ZNF248: variants seen among roughly 807,000 people sequenced by gnomAD.
ZNF248 encodes KRAB protein domain.
In ZNF248, 20 loss-of-function variants were observed where a neutral mutation model predicts 44.3. The ratio of observed to expected loss-of-function variants is 0.45; its 90% CI spans 0.32 to 0.66. The LOEUF is 0.66. Among genes scored for constraint, ZNF248 ranks in the 30% least tolerant of loss-of-function variants. The pLI is 0.04. For synonymous variants in ZNF248, 224 were observed against 229.0 expected (o/e 0.98, Z 0.20); for missense variants, 654 against 677.0 (o/e 0.97, Z 0.38).
At chr10:37,828,040 G>A (rs886599988), downstream of ZNF248, among the ~76,000 whole-genome samples, 1 of 152,296 alleles carries the variant, frequency 6.6e-6, no homozygotes, top group Admixed American at 6.5e-5. Flanking sequence ...TGAGTGCACT[G>A]GGGGATAAAC....
chr10:37,855,018 C>G (rs1247474524), intron 3 of ZNF248, among the ~76,000 whole-genome samples: 1 of 152,228 alleles, frequency 6.6e-6, no homozygotes, highest in Non-Finnish European at 1.5e-5. Context: ...CAGGAATGCA[C>G]AATCACATAT....
At chr10:37,770,354 C>T in the ZNF248 span, among the ~76,000 whole-genome samples, 49 of 152,274 alleles carry the variant, frequency 3.2e-4, no homozygotes, top group African/African-American at 7.7e-4. Flanking sequence ...AGAGGCATTA[C>T]GCTACCTGAC....
intron 6 of ZNF248, among the ~76,000 whole-genome samples, chr10:37,799,305 A>C (rs1413804249): frequency 6.6e-6 from 1 of 152,150 alleles, no homozygotes; most frequent in Non-Finnish European, 1.5e-5. Flanking sequence ...CCAAAATTGG[A>C]CCAGAGTTAT....
chr10:37,800,588 A>ATG (rs2049688787), intron 6 of ZNF248, among the ~76,000 whole-genome samples: 1 of 152,108 alleles, frequency 6.6e-6, no homozygotes, highest in Non-Finnish European at 1.5e-5. Flanking sequence ...ATATGTGTGC[A>ATG]TGTGTCTTTA....
At chr10:37,855,822 G>A (rs568586644) in intron 3 of ZNF248, among the ~76,000 whole-genome samples, 1 of 152,354 alleles carries the variant, frequency 6.6e-6, no homozygotes, top group East Asian at 1.9e-4. Context: ...AGTCGGAACT[G>A]TCAGTGATTC....
chr10:37,849,879 T>C lies in ZNF248; in HGVS notation c.15+6417A>G, dbSNP rs1170735025. 2.6e-5 allele frequency among the ~76,000 whole-genome samples: 4 copies of C among 152,144 alleles called. No individual in the cohort carries two copies. The East Asian group carries it at 7.7e-4, about 29-fold the overall frequency. ...CAAGGTCAGGAGTTCAAGACCAGCC[T>C]GGCCAAGATGGTGAAACCCCATCTC... On this transcript the variant is annotated intron_variant, in intron 3 of 5. Coordinates refer to ENST00000395867, the MANE Select transcript of ZNF248 (RefSeq NM_021045.3).
intron 5 of ZNF248, among the ~76,000 whole-genome samples, chr10:37,834,153 AAT>A: frequency 6.6e-6 from 1 of 152,264 alleles, no homozygotes; most frequent in Non-Finnish European, 1.5e-5. Context: ...AAAAACTAAT[AAT>A]AGTAATAATA....
the ZNF248 span, among the ~76,000 whole-genome samples, chr10:37,759,961 C>A: frequency 6.6e-6 from 1 of 152,140 alleles, no homozygotes; most frequent in Non-Finnish European, 1.5e-5. Flanking sequence ...AGGGAGCTGA[C>A]CCCAAGCCAG....
At chr10:37,820,806 G>A in intron 6 of ZNF248, 1 of 1,186,882 alleles carries the variant, frequency 8.4e-7, no homozygotes, top group Non-Finnish European at 1.3e-6. Flanking sequence ...TTTGCCTTTT[G>A]TTTCCTGATT....
downstream of ZNF248, among the ~76,000 whole-genome samples, chr10:37,823,913 TAG>T (rs2053920062): frequency 6.6e-6 from 1 of 152,096 alleles, no homozygotes; most frequent in Non-Finnish European, 1.5e-5. Flanking sequence ...CTAAGTATTT[TAG>T]AGTCTGAAAA....
At chr10:37,857,004 G>A (rs12260310) in intron 1 of ZNF248, 181 bp downstream of exon 1, 4,174 of 152,432 alleles carry the variant, frequency 0.027, 140 homozygotes, top group African/African-American at 0.082. Flanking sequence ...ATCCGGCGGG[G>A]ATATCAGGCC....
At chr10:37,828,435 A>G (rs1037885926), downstream of ZNF248, among the ~76,000 whole-genome samples, 1 of 152,222 alleles carries the variant, frequency 6.6e-6, no homozygotes, top group East Asian at 1.9e-4. Flanking sequence ...TACTTTCTCA[A>G]TATGACTGCT....
At chr10:37,855,857 CACAA>C (rs1278268340) in intron 3 of ZNF248, among the ~76,000 whole-genome samples, 2 of 152,210 alleles carry the variant, frequency 1.3e-5, no homozygotes, top group Non-Finnish European at 2.9e-5. Flanking sequence ...AACGAGCTGA[CACAA>C]ACAGTTAGGG....
At chr10:37,816,782 C>A (rs2052541850) in intron 6 of ZNF248, among the ~76,000 whole-genome samples, 1 of 152,122 alleles carries the variant, frequency 6.6e-6, no homozygotes, top group African/African-American at 2.4e-5. Context: ...AATCTCTGAG[C>A]CATGCCCCAG....
chr10:37,818,218 C>G (rs1425462587), intron 6 of ZNF248, among the ~76,000 whole-genome samples: 1 of 152,132 alleles, frequency 6.6e-6, no homozygotes, highest in Non-Finnish European at 1.5e-5. Context: ...GCCCGGCCTT[C>G]TAGTCTGTAT....
chr10:37,833,580 G>C (rs1396165993), intron 5 of ZNF248, among the ~76,000 whole-genome samples: 2 of 152,120 alleles, frequency 1.3e-5, no homozygotes, highest in Non-Finnish European at 2.9e-5. Context: ...CTCACACACA[G>C]TTTACTGGGG....
chr10:37,851,662 G>A (rs187158583), intron 3 of ZNF248, among the ~76,000 whole-genome samples: 18 of 149,490 alleles, frequency 1.2e-4, no homozygotes, highest in Admixed American at 3.4e-4. Flanking sequence ...TCTAAGACAC[G>A]AAGGACTATT....
chr10:37,787,347 C>CA (rs1328863497), intron 6 of ZNF248, among the ~76,000 whole-genome samples: 2 of 151,490 alleles, frequency 1.3e-5, no homozygotes, highest in Non-Finnish European at 2.9e-5. Context: ...ATAAAGTTAC[C>CA]AAAATCAAGA....
chr10:37,843,538 T>C (rs1357602797), intron 3 of ZNF248, among the ~76,000 whole-genome samples: 1 of 151,858 alleles, frequency 6.6e-6, no homozygotes, highest in African/African-American at 2.4e-5. Context: ...AATAAAAACG[T>C]AGAAGGTATT....
Sources: gnomAD v4.1 joint callset for allele counts (sites outside exome capture counted in the v4.1 genomes callset) on GRCh38, gnomAD v4.1.1 for gene constraint, MANE v1.5 for transcripts, NCBI Gene and HGNC (gene_info 2026-07-23, HGNC 2026-07-21) for gene names.